The following ARHGEF26 variants were observed in gnomAD, a reference collection of about 807,000 sequenced individuals.
The protein encoded by ARHGEF26 is Rho guanine nucleotide exchange factor (GEF) 26.
A neutral mutation model predicts 89.4 loss-of-function variants in ARHGEF26; 59 were observed. The observed-to-expected ratio is 0.66, with a 90% CI of 0.54 to 0.82. The LOEUF (loss-of-function observed/expected upper bound fraction) is 0.82. Ranked by LOEUF, ARHGEF26 falls within the 40% of genes least tolerant of loss-of-function variation. The pLI is 0.00. For synonymous variants in ARHGEF26, 500 were observed against 428.4 expected, an observed-to-expected ratio of 1.17 and a Z score of -2.06; for missense variants, 1,234 against 1,085.6, an observed-to-expected ratio of 1.14 and a Z score of -1.92.
intron 7 of ARHGEF26, among the ~76,000 whole-genome samples, chr3:154,190,643 A>ATT (rs1713896656): frequency 6.6e-6 from 1 of 152,226 alleles, no homozygotes; most frequent in Non-Finnish European, 1.5e-5. Flanking sequence ...CTTCCTTAAA[A>ATT]GTTACGTAGG....
intron 6 of ARHGEF26, among the ~76,000 whole-genome samples, chr3:154,168,543 C>G (rs904223781): frequency 6.6e-6 from 1 of 152,140 alleles, no homozygotes; most frequent in Non-Finnish European, 1.5e-5. Flanking sequence ...CTCCACTGCA[C>G]TCCATCCTAG....
intron 2 of ARHGEF26, among the ~76,000 whole-genome samples, chr3:154,124,067 T>TG (rs995323019): frequency 4.0e-5 from 6 of 149,870 alleles, no homozygotes; most frequent in African/African-American, 1.3e-4. Context: ...ACATTTTATG[T>TG]GTTTTTTCCA....
At chr3:154,240,294 A>T in intron 11 of ARHGEF26, 76 bp from the exon 12 acceptor site, 1 of 1,161,360 alleles carries the variant, frequency 8.6e-7, no homozygotes, top group Non-Finnish European at 1.2e-6. Flanking sequence ...GTTTCCACCA[A>T]AATGTGCCTC....
chr3:154,147,781 TTTTCTTCCTTTTCC>T (rs1227485279), intron 4 of ARHGEF26, among the ~76,000 whole-genome samples: 2 of 152,180 alleles, frequency 1.3e-5, no homozygotes. Context: ...TTTCCCCTTC[TTTTCTTCCTTTTCC>T]TTTCTTCCTC....
intron 6 of ARHGEF26, among the ~76,000 whole-genome samples, chr3:154,170,649 AC>A (rs1042052628): frequency 6.6e-6 from 1 of 152,228 alleles, no homozygotes; most frequent in African/African-American, 2.4e-5. Context: ...TGGAGATGAT[AC>A]CACTAACTAC....
intron 14 of ARHGEF26, 127 bp downstream of exon 14, chr3:154,254,951 A>G (rs763895838): frequency 1.2e-4 from 91 of 784,794 alleles, no homozygotes; most frequent in South Asian, 7.7e-4. Context: ...GAGATCACAT[A>G]TATGTACTGT....
intron 9 of ARHGEF26, among the ~76,000 whole-genome samples, chr3:154,207,397 A>G (rs1682031055): frequency 1.3e-5 from 2 of 152,174 alleles, no homozygotes; most frequent in Non-Finnish European, 2.9e-5. Flanking sequence ...AGAAACTTAA[A>G]TTTACAAGAA....
chr3:154,141,685 T>C (rs1263674247), intron 4 of ARHGEF26, among the ~76,000 whole-genome samples: 2 of 152,226 alleles, frequency 1.3e-5, no homozygotes, highest in Non-Finnish European at 2.9e-5. Flanking sequence ...CCAGTATGTG[T>C]GTCTGAATGT....
intron 5 of ARHGEF26, among the ~76,000 whole-genome samples, chr3:154,152,479 A>G (rs1720080619): frequency 6.6e-6 from 1 of 152,182 alleles, no homozygotes; most frequent in African/African-American, 2.4e-5. Context: ...TTCCTTCCAT[A>G]GATTCTACCC....
intron 3 of ARHGEF26, among the ~76,000 whole-genome samples, chr3:154,125,213 C>T (rs376628284): frequency 6.6e-6 from 1 of 152,112 alleles, no homozygotes; most frequent in East Asian, 1.9e-4. Context: ...GGGAGTGCCC[C>T]TCCATAGGTC....
intron 9 of ARHGEF26, among the ~76,000 whole-genome samples, chr3:154,201,927 G>A (rs1714668957): frequency 6.6e-6 from 1 of 150,908 alleles, no homozygotes; most frequent in Admixed American, 6.6e-5. Flanking sequence ...TGAGTAGGTT[G>A]CGAAAATTTT....
chr3:154,201,928 C>T (rs866941404), intron 9 of ARHGEF26, among the ~76,000 whole-genome samples: 14 of 150,964 alleles, frequency 9.3e-5, no homozygotes, highest in South Asian at 2.1e-4. Flanking sequence ...GAGTAGGTTG[C>T]GAAAATTTTC....
intron 4 of ARHGEF26, among the ~76,000 whole-genome samples, chr3:154,144,956 A>T (rs1358404): frequency 3.9e-5 from 6 of 152,046 alleles, no homozygotes; most frequent in East Asian, 1.9e-4. Flanking sequence ...CCTTAAAAAA[A>T]GCGTTCTCTC....
At chr3:154,222,474 A>G (rs1716194210) in intron 10 of ARHGEF26, among the ~76,000 whole-genome samples, 2 of 151,572 alleles carry the variant, frequency 1.3e-5, no homozygotes, top group Non-Finnish European at 2.9e-5. Context: ...GGCATCACTT[A>G]CCTTTTCATG....
At chr3:154,121,622 A>T in intron 1 of ARHGEF26, 103 bp downstream of exon 1, 1 of 222,468 alleles carries the variant, frequency 4.5e-6, no homozygotes. Context: ...CGAGTTTCCC[A>T]AGAAAGCTGA....
chr3:154,253,781 C>T (rs1325287549), intron 13 of ARHGEF26, among the ~76,000 whole-genome samples: 4 of 152,060 alleles, frequency 2.6e-5, no homozygotes, highest in Non-Finnish European at 4.4e-5. Flanking sequence ...ATTACAGTTG[C>T]AAGGTCAAAT....
At chr3:154,226,809 T>C (rs1362102563) in intron 11 of ARHGEF26, among the ~76,000 whole-genome samples, 1 of 152,130 alleles carries the variant, frequency 6.6e-6, no homozygotes, top group East Asian at 1.9e-4. Context: ...GAGTGAAAAC[T>C]TAAATCTGTG....
intron 6 of ARHGEF26, chr3:154,187,224 G>A: frequency 5.1e-6 from 5 of 984,196 alleles, no homozygotes; most frequent in Non-Finnish European, 6.0e-6. Context: ...TTATTTAGGT[G>A]TTTTGCTCAT....
intron 13 of ARHGEF26, 59 bp from the exon 14 acceptor site, chr3:154,254,661 G>A: frequency 7.6e-7 from 1 of 1,318,842 alleles, no homozygotes; most frequent in Non-Finnish European, 1.1e-6. Flanking sequence ...GTACATTATT[G>A]GATTGCACAT....
Sources: gnomAD v4.1 joint callset for allele counts (sites outside exome capture counted in the v4.1 genomes callset) on GRCh38, gnomAD v4.1.1 for gene constraint, MANE v1.5 for transcripts, NCBI Gene and HGNC (gene_info 2026-07-23, HGNC 2026-07-21) for gene names.